Variants in TWIST2 observed in about 807,000 individuals in gnomAD.
TWIST2 encodes twist-related protein 2.
A neutral mutation model predicts 11.6 loss-of-function variants in TWIST2; 1 was observed. The observed-to-expected ratio is 0.09, with a 90% CI of 0.03 to 0.41. TWIST2 has a LOEUF of 0.41. Ranked by LOEUF, TWIST2 falls within the 10% of genes least tolerant of loss-of-function variation. The pLI is 0.98. For missense variants in TWIST2, 168 were observed against 226.4 expected (o/e 0.74, Z 1.66); for synonymous variants, 87 against 96.6 (o/e 0.90, Z 0.58).
rs548487603 is a variant in TWIST2 at position 238,869,480 on chromosome 2, T to C, written c.*35+20747T>C. ...ATAGGAGAGAACTATCCAGAAGAGA[T>C]GCAGGACTCCTATGATTCAACAATA... On this transcript the variant is annotated intron_variant, in intron 1 of 1. Transcript: ENST00000612363. 7.2e-5 allele frequency among the ~76,000 whole-genome samples: 11 copies of C among 152,340 alleles called. No individual in the cohort carries two copies. The South Asian group carries it at 2.3e-3, about 32-fold the overall frequency.
In TWIST2 at chr2:238,848,653, C is replaced by T. The variant is rs1574742529; in HGVS notation, c.438C>T (p.Ser146=). ...ACGAGCGCCTCAGCTACGCCTTCTC[C>T]GTGTGGCGCATGGAGGGCGCGTGGT... ...VAHERLSYAF[S]VWRMEGAWSM... Residue 146 remains serine, a synonymous_variant, in exon 1 of 2, where the codon TCC becomes TCT. Coordinates refer to ENST00000612363, the MANE Select transcript of TWIST2 (RefSeq NM_001271893.4). The T allele has an allele frequency of 3.9e-6, 6 of 1,536,620 alleles. No individual in the cohort carries two copies. Among genetic ancestry groups the T allele is most frequent in the Non-Finnish European group, 5.2e-6 (6 of 1,147,032 alleles).
At chr2:238,874,640 C>T (rs901856862) in intron 1 of TWIST2, among the ~76,000 whole-genome samples, 12 of 152,184 alleles carry the variant, frequency 7.9e-5, no homozygotes, top group East Asian at 1.9e-4. Context: ...AGACATAGCA[C>T]GTTGAAAAGG....
chr2:238,859,389 T>G (rs190135965), intron 1 of TWIST2, among the ~76,000 whole-genome samples: 94 of 152,026 alleles, frequency 6.2e-4, no homozygotes, highest in Non-Finnish European at 9.7e-4. Context: ...CTTCTCGGGC[T>G]TCATGGGAGG....
At position 238,867,773 on chromosome 2, in the gene TWIST2, G is replaced by A. The variant is rs1177568535; in HGVS notation, c.*35+19040G>A. On this transcript the variant is annotated intron_variant, in intron 1 of 1. Transcript: ENST00000612363. The surrounding 1 kb of genome is among the most constrained non-coding windows in gnomAD (Gnocchi z 4.8). Reference sequence around the variant, plus strand: ...CATCCTCATCAGAAAGAAATTGATGGTGAGTTAGGAGGCCAGGAGGGAAGC... The same window carrying A: ...CATCCTCATCAGAAAGAAATTGATGATGAGTTAGGAGGCCAGGAGGGAAGC... Among the ~76,000 whole-genome samples, 1 of 152,172 alleles carries A rather than the reference G, an allele frequency of 6.6e-6. No individual in the cohort carries two copies. Among genetic ancestry groups the A allele is most frequent in the African/African-American group, 2.4e-5 (1 of 41,452 alleles).
chr2:238,876,987 G>A (rs1692818243), intron 1 of TWIST2, among the ~76,000 whole-genome samples: 2 of 152,130 alleles, frequency 1.3e-5, no homozygotes, highest in African/African-American at 4.8e-5. Flanking sequence ...CTGAGGTCAG[G>A]AGTTTGAGAC....
intron 1 of TWIST2, among the ~76,000 whole-genome samples, chr2:238,895,014 T>C (rs1221189088): frequency 2.0e-5 from 3 of 152,224 alleles, no homozygotes; most frequent in Non-Finnish European, 2.9e-5. Context: ...CCATATGAAC[T>C]GTGAGCTGGC....
intron 1 of TWIST2, among the ~76,000 whole-genome samples, chr2:238,880,123 GTTAGTA>G (rs1368204338): frequency 3.4e-5 from 5 of 147,294 alleles, no homozygotes; most frequent in Admixed American, 6.8e-5. Context: ...TCGTGCTAGC[GTTAGTA>G]TTAGTGTGTT....
At chr2:238,874,786 T>G (rs991396061) in intron 1 of TWIST2, among the ~76,000 whole-genome samples, 1 of 152,126 alleles carries the variant, frequency 6.6e-6, no homozygotes, top group Non-Finnish European at 1.5e-5. Context: ...CCCACAGCAC[T>G]TGGGTGTGCA....
At chr2:238,895,157 C>T (rs979490866) in intron 1 of TWIST2, among the ~76,000 whole-genome samples, 5,461 of 152,312 alleles carry the variant, frequency 0.036, 241 homozygotes, top group East Asian at 0.18. Context: ...TTCAGATAGT[C>T]ATGTGTTCTG....
At chr2:238,905,928 TGTGCGC>T (rs1693342083) in intron 1 of TWIST2, among the ~76,000 whole-genome samples, 2 of 105,000 alleles carry the variant, frequency 1.9e-5, no homozygotes, top group Non-Finnish European at 1.9e-5. Flanking sequence ...CAGGTGTGCG[TGTGCGC>T]GTGTGTGTGC....
chr2:238,855,960 G>C (rs1442029872), intron 1 of TWIST2, among the ~76,000 whole-genome samples: 2 of 152,290 alleles, frequency 1.3e-5, no homozygotes, highest in Admixed American at 1.3e-4. Context: ...GAACAGGAGT[G>C]CTCCAAACAG....
intron 1 of TWIST2, among the ~76,000 whole-genome samples, chr2:238,895,622 G>T (rs1239359454): frequency 6.6e-6 from 1 of 152,192 alleles, no homozygotes. Context: ...AGTTGGGAGC[G>T]GTCCCTTTGC....
intron 1 of TWIST2, among the ~76,000 whole-genome samples, chr2:238,880,244 TGTTA>T (rs1208025551): frequency 4.0e-5 from 6 of 151,860 alleles, no homozygotes; most frequent in Non-Finnish European, 8.8e-5. Flanking sequence ...TTAGTATTAG[TGTTA>T]GTATTTATTG....
intron 1 of TWIST2, among the ~76,000 whole-genome samples, chr2:238,868,218 G>A (rs1274242004): frequency 3.3e-5 from 5 of 152,150 alleles, no homozygotes; most frequent in Admixed American, 3.3e-4. Flanking sequence ...GCTCTGCTGA[G>A]AAGCCCTTAG....
rs891658497 is a variant in TWIST2 at position 238,905,390 on chromosome 2, C to T, written c.*36-4452C>T. Among the ~76,000 whole-genome samples the T allele has an allele frequency of 4.3e-4, 65 of 152,308 alleles. 1 individual carries two copies. Among genetic ancestry groups the T allele is most frequent in the African/African-American group, 1.5e-3 (61 of 41,562 alleles). ...GTGTATGCAGGAGGCGCTCCCCAGCCCCAGATGTTTTACATTTGTTGCAGA... is the reference window on the plus strand; with the variant it reads ...GTGTATGCAGGAGGCGCTCCCCAGCTCCAGATGTTTTACATTTGTTGCAGA... On this transcript the variant is annotated intron_variant, in intron 1 of 1. Transcript: ENST00000612363.
chr2:238,872,161 C>T (rs1456921877), intron 1 of TWIST2, among the ~76,000 whole-genome samples: 1 of 152,214 alleles, frequency 6.6e-6, no homozygotes, highest in African/African-American at 2.4e-5. Context: ...TGCCTGCCCC[C>T]ATGCTCTCTA....
At chr2:238,901,905 TG>T (rs1256905057) in intron 1 of TWIST2, among the ~76,000 whole-genome samples, 6 of 150,800 alleles carry the variant, frequency 4.0e-5, no homozygotes, top group Non-Finnish European at 8.9e-5. Flanking sequence ...GGGTTGAGGG[TG>T]TGGTGGGGGA....
chr2:238,874,127 G>A (rs1179494433), intron 1 of TWIST2, among the ~76,000 whole-genome samples: 1 of 152,156 alleles, frequency 6.6e-6, no homozygotes, highest in Admixed American at 6.5e-5. Context: ...CAATGATGAG[G>A]GATGGGATCC....
chr2:238,894,857 C>G (rs1422739773), intron 1 of TWIST2, among the ~76,000 whole-genome samples: 3 of 152,200 alleles, frequency 2.0e-5, no homozygotes, highest in African/African-American at 7.2e-5. Flanking sequence ...TATTATGGAC[C>G]TTTTAATCTC....
Sources: gnomAD v4.1 joint callset for allele counts (sites outside exome capture counted in the v4.1 genomes callset) on GRCh38, gnomAD v4.1.1 for gene constraint, Gnocchi (gnomAD v3.1) non-coding constraint, MANE v1.5 for transcripts, NCBI Gene and HGNC (gene_info 2026-07-23, HGNC 2026-07-21) for gene names.